The following AMZ2 variants were observed in gnomAD, a reference collection of about 807,000 sequenced individuals.
AMZ2 encodes the protein archaelysin family metallopeptidase 2.
Under a neutral mutation model 36.7 loss-of-function variants are expected in AMZ2, and 26 were observed. That is an observed-to-expected ratio of 0.71 (90% CI 0.52 to 0.98). The LOEUF (loss-of-function observed/expected upper bound fraction) is 0.98. AMZ2 is among the 50% of genes least tolerant of loss of function. The pLI is 0.00. For missense variants in AMZ2, 394 were observed against 430.5 expected (o/e 0.92, Z 0.75); for synonymous variants, 144 against 149.1 (o/e 0.97, Z 0.25).
intron 1 of AMZ2, chr17:68,207,315 C>CT (rs1486050539): frequency 1.6e-5 from 2 of 124,310 alleles, no homozygotes; most frequent in Admixed American, 8.1e-5. Context: ...TGTTAAATAC[C>CT]CCCCCCCCAC....
intron 1 of AMZ2, among the ~76,000 whole-genome samples, chr17:68,227,809 C>T (rs1466317119): frequency 6.6e-6 from 1 of 152,178 alleles, no homozygotes. Flanking sequence ...GAAGATTATG[C>T]TGGGCAACAT....
intron 1 of AMZ2, among the ~76,000 whole-genome samples, chr17:68,218,683 T>C (rs1416634494): frequency 6.6e-6 from 1 of 152,236 alleles, no homozygotes; most frequent in Non-Finnish European, 1.5e-5. Flanking sequence ...AGCAGACTCC[T>C]GGACATGTCT....
chr17:68,209,465 A>G (rs1458486764), intron 1 of AMZ2, among the ~76,000 whole-genome samples: 3 of 151,940 alleles, frequency 2.0e-5, no homozygotes, highest in Admixed American at 6.6e-5. Context: ...AAGTGTTGGG[A>G]TTACAGGCGT....
At chr17:68,221,642 C>CG (rs1334044952) in intron 1 of AMZ2, among the ~76,000 whole-genome samples, 4 of 151,868 alleles carry the variant, frequency 2.6e-5, no homozygotes, top group Admixed American at 6.6e-5. Flanking sequence ...TGAACAGAAT[C>CG]GCTTGAACCT....
At position 68,236,090 on chromosome 17, in the gene AMZ2, A is replaced by G. The variant is rs1241063838; in HGVS notation, c.-66-12550A>G. ...GGTGATCCACCCGCCTCGGCCTCCC[A>G]AAGTGCTGGGATTACAGGAATGAGC... On this transcript the variant is annotated intron_variant, in intron 1 of 7. Coordinates refer to the AMZ2 transcript ENST00000674770. Among the ~76,000 whole-genome samples, 5 of 152,152 alleles carry G rather than the reference A, an allele frequency of 3.3e-5. No individual in the cohort carries two copies. The East Asian group carries it at 9.6e-4, about 29-fold the overall frequency.
chr17:68,219,389 A>G (rs2073288038), intron 1 of AMZ2, among the ~76,000 whole-genome samples: 2 of 152,204 alleles, frequency 1.3e-5, no homozygotes, highest in Non-Finnish European at 2.9e-5. Context: ...GGCAAATCCT[A>G]CTCATCCTTC....
rs2074129639 is a variant in AMZ2, at chr17:68,248,082, C to A, written c.-624C>A. 1.0e-6 allele frequency: 1 copy of A among 986,028 alleles called. No individual in the cohort carries two copies. Among genetic ancestry groups the A allele is most frequent in the South Asian group, 4.7e-5 (1 of 21,350 alleles). 61.1% of individuals were successfully genotyped at this position (986,028 alleles called of 1,614,324 possible). A position where few individuals can be genotyped will look rare whatever the true frequency, so the allele number is the denominator to read the frequency against. ...CGGTGCGCATGCGCGTGAGGGCTGC[C>A]GCGGGTGGGTGGTATCGAGGCCTGT... On this transcript the variant is annotated 5_prime_UTR_variant, in exon 1 of 7. Coordinates refer to ENST00000359904, the MANE Select transcript of AMZ2 (RefSeq NM_016627.5).
intron 1 of AMZ2, among the ~76,000 whole-genome samples, chr17:68,225,046 G>T (rs1259717963): frequency 6.6e-6 from 1 of 151,608 alleles, no homozygotes; most frequent in Non-Finnish European, 1.5e-5. Flanking sequence ...ACAAAAATTA[G>T]CTGGGCATGC....
At chr17:68,249,340 C>G in intron 1 of AMZ2, 1 of 178,148 alleles carries the variant, frequency 5.6e-6, no homozygotes, top group Non-Finnish European at 1.2e-5. Flanking sequence ...GACAGAGTCT[C>G]TATTGCCCAG....
intron 1 of AMZ2, among the ~76,000 whole-genome samples, chr17:68,237,650 C>G (rs1221209913): frequency 6.6e-6 from 1 of 152,182 alleles, no homozygotes; most frequent in Non-Finnish European, 1.5e-5. Flanking sequence ...AGGGTAACCC[C>G]CTCGGCTGGC....
At chr17:68,211,820 G>GTATATATGTATATGTATATGTATA (rs1176516792) in intron 1 of AMZ2, among the ~76,000 whole-genome samples, 1 of 126,158 alleles carries the variant, frequency 7.9e-6, no homozygotes, top group African/African-American at 2.9e-5. Flanking sequence ...ATATGTATGT[G>GTATATATGTATATGTATATGTATA]TATGTATATG....
At chr17:68,234,610 C>A (rs1477033439) in intron 1 of AMZ2, among the ~76,000 whole-genome samples, 5 of 150,722 alleles carry the variant, frequency 3.3e-5, no homozygotes, top group Admixed American at 2.6e-4. Flanking sequence ...TTCAAAACAA[C>A]AATAAAAAAA....
chr17:68,249,103 C>T (rs1264400810), intron 1 of AMZ2: 1 of 1,186,794 alleles, frequency 8.4e-7, no homozygotes, highest in Non-Finnish European at 1.0e-6. Context: ...CATTGTGAGG[C>T]TGGCTTTTGA....
At chr17:68,211,264 A>C (rs1248874449) in intron 1 of AMZ2, among the ~76,000 whole-genome samples, 8 of 152,144 alleles carry the variant, frequency 5.3e-5, no homozygotes, top group African/African-American at 1.9e-4. Flanking sequence ...GCGCTTTGGG[A>C]GGCCGATGCG....
upstream of AMZ2, chr17:68,247,400 G>GA (rs1938798580): frequency 6.9e-6 from 1 of 144,176 alleles, no homozygotes; most frequent in Non-Finnish European, 1.5e-5. Context: ...CAGAGAGACC[G>GA]AAAGTCCCAC....
At chr17:68,239,886 A>G (rs2073866480) in intron 1 of AMZ2, among the ~76,000 whole-genome samples, 1 of 152,266 alleles carries the variant, frequency 6.6e-6, no homozygotes, top group African/African-American at 2.4e-5. Context: ...CATGAAACAA[A>G]AAGACCAAAC....
At chr17:68,207,398 C>T (rs1328681825) in intron 1 of AMZ2, 3 of 145,428 alleles carry the variant, frequency 2.1e-5, no homozygotes, top group African/African-American at 7.7e-5. Flanking sequence ...AAGCAACAAC[C>T]GGCAAGACTT....
At chr17:68,252,730 G>C (rs61696824) in intron 4 of AMZ2, among the ~76,000 whole-genome samples, 46,454 of 151,760 alleles carry the variant, frequency 0.31, 8,189 homozygotes, top group African/African-American at 0.48. Flanking sequence ...CCCTGTGTTG[G>C]TCAAGCTCAT....
chr17:68,209,383 G>A (rs2072947214), intron 1 of AMZ2, among the ~76,000 whole-genome samples: 4 of 151,606 alleles, frequency 2.6e-5, no homozygotes, highest in African/African-American at 9.7e-5. Flanking sequence ...TAGTAGAGAT[G>A]GGGTTTCACT....
Sources: gnomAD v4.1 joint callset for allele counts (sites outside exome capture counted in the v4.1 genomes callset) on GRCh38, gnomAD v4.1.1 for gene constraint, MANE v1.5 for transcripts, NCBI Gene and HGNC (gene_info 2026-07-23, HGNC 2026-07-21) for gene names.